NEK4: variants seen among roughly 807,000 people sequenced by gnomAD.
NEK4 encodes the protein serine/threonine-protein kinase Nek4.
A neutral mutation model predicts 98.4 loss-of-function variants in NEK4; 86 were observed. The observed-to-expected ratio is 0.87, with a 90% confidence interval of 0.73 to 1.05. The LOEUF (loss-of-function observed/expected upper bound fraction) is 1.05. Among genes scored for constraint, NEK4 ranks in the 50% least tolerant of loss-of-function variants. The probability of loss-of-function intolerance (pLI) is 0.00; values close to 1 mark genes in which losing one functional copy is unlikely to be tolerated. For missense variants in NEK4, 898 were observed against 950.3 expected, an observed-to-expected ratio of 0.94 and a Z score of 0.72; for synonymous variants, 328 against 342.2, an observed-to-expected ratio of 0.96 and a Z score of 0.46.
Position 52,751,272 on chromosome 3 carries a change from G to A in NEK4, c.1368+660C>T, listed in dbSNP as rs542193082. Among the ~76,000 whole-genome samples the A allele has an allele frequency of 3.5e-4, 54 of 152,178 alleles. 1 individual carries two copies. Among genetic ancestry groups the A allele is most frequent in the East Asian group, 1.5e-3 (8 of 5,172 alleles). ...AGATCGAGACCATCCTGACTAACAC[G>A]GTGAAACCTCGTCTCTACTAAAAAT... On this transcript the variant is annotated intron_variant, in intron 7 of 15. Transcript: ENST00000233027.
At chr3:52,755,073 C>CA (rs201856002) in intron 6 of NEK4, among the ~76,000 whole-genome samples, 2,338 of 46,208 alleles carry the variant, frequency 0.051, 68 homozygotes, top group African/African-American at 0.14. Flanking sequence ...GACTCCGTCT[C>CA]AAAAAAAAAA....
At chr3:52,769,664 C>T (rs1698706471) in intron 1 of NEK4, among the ~76,000 whole-genome samples, 1 of 152,190 alleles carries the variant, frequency 6.6e-6, no homozygotes, top group Admixed American at 6.5e-5. Context: ...GAAGAACAGG[C>T]AATTGGGCCC....
intron 15 of NEK4, among the ~76,000 whole-genome samples, chr3:52,728,834 G>A (rs960353124): frequency 5.9e-5 from 9 of 152,194 alleles, no homozygotes; most frequent in African/African-American, 1.4e-4. Context: ...GTCTATAAAC[G>A]GCTGCTCTGG....
intron 7 of NEK4, among the ~76,000 whole-genome samples, chr3:52,750,882 G>T (rs996293891): frequency 2.6e-5 from 4 of 152,164 alleles, no homozygotes; most frequent in African/African-American, 9.7e-5. Flanking sequence ...AGTGAGCTGT[G>T]TTTGCACCAC....
At position 52,760,800 on chromosome 3, in the gene NEK4, T is replaced by C. The variant is rs769511464; in HGVS notation, c.958A>G (p.Ile320Val). 9.4e-6 allele frequency: 15 copies of C among 1,602,808 alleles called. 1 individual carries two copies. The South Asian group carries it at 1.0e-4, about 11-fold the overall frequency. ...CCCTTTAAAAAGAAACGTACCATTA[T>C]ATATGTCTGGGAGCCCTCAGAAGAG... is the stretch of plus-strand genomic sequence containing the variant. ...PLSSEGSQTY[I>V]MGEGKCLSQE... is the part of the protein sequence containing the mutation. The change falls in exon 6 of 16, where the codon ATA (isoleucine) becomes GTA (valine). Residue 320 changes from isoleucine (I) to valine (V), a missense_variant. By Grantham distance (29) the Ile-to-Val change is conservative. Coordinates refer to ENST00000233027, the MANE Select transcript of NEK4 (RefSeq NM_003157.6).
chr3:52,760,524 T>C (rs1698316433), intron 6 of NEK4, among the ~76,000 whole-genome samples: 1 of 152,226 alleles, frequency 6.6e-6, no homozygotes, highest in African/African-American at 2.4e-5. Context: ...GCCTTAACTG[T>C]TTACTTTAAA....
intron 15 of NEK4, among the ~76,000 whole-genome samples, chr3:52,716,834 C>T (rs762411608): frequency 6.6e-6 from 1 of 152,190 alleles, no homozygotes; most frequent in Non-Finnish European, 1.5e-5. Context: ...CAGTGGTATG[C>T]GAATCATGAC....
At chr3:52,770,578 G>T in intron 1 of NEK4, 76 bp downstream of exon 1, 1 of 1,128,082 alleles carries the variant, frequency 8.9e-7, no homozygotes, top group Non-Finnish European at 1.3e-6. Context: ...GACCACCCCC[G>T]ACCTAATCTA....
At chr3:52,740,121 C>T (rs1292793811) in intron 13 of NEK4, among the ~76,000 whole-genome samples, 2 of 152,138 alleles carry the variant, frequency 1.3e-5, no homozygotes, top group African/African-American at 2.4e-5. Flanking sequence ...ATACCAGCTT[C>T]CAATGAGGTA....
At chr3:52,717,519 G>A (rs192977900) in intron 15 of NEK4, among the ~76,000 whole-genome samples, 1 of 151,966 alleles carries the variant, frequency 6.6e-6, no homozygotes, top group East Asian at 1.9e-4. Context: ...CCAAGAAGAT[G>A]AGAGGCTACT....
At chr3:52,757,633 T>A (rs1470940902) in intron 6 of NEK4, among the ~76,000 whole-genome samples, 1 of 151,760 alleles carries the variant, frequency 6.6e-6, no homozygotes, top group African/African-American at 2.4e-5. Context: ...GCAGCGTTAT[T>A]CACACTAGCA....
intron 4 of NEK4, among the ~76,000 whole-genome samples, chr3:52,764,744 G>A (rs1698485977): frequency 6.7e-6 from 1 of 150,082 alleles, no homozygotes; most frequent in Non-Finnish European, 1.5e-5. Flanking sequence ...AAGAATCTGT[G>A]GGTGTGCGCG....
At chr3:52,750,460 A>G (rs2097403168) in intron 7 of NEK4, among the ~76,000 whole-genome samples, 1 of 152,094 alleles carries the variant, frequency 6.6e-6, no homozygotes, top group Non-Finnish European at 1.5e-5. Flanking sequence ...AGGCACGAGA[A>G]TCATTGAACC....
rs1357794192 is a variant in NEK4, at chr3:52,744,204, C to T, written c.1894+35G>A. 4.6e-6 allele frequency: 7 copies of T among 1,525,752 alleles called. No individual in the cohort carries two copies. The Admixed American group carries it at 5.0e-5, about 11-fold the overall frequency. 94.5% of individuals were successfully genotyped at this position (1,525,752 alleles called of 1,614,324 possible). On this transcript the variant is annotated intron_variant, in intron 11 of 15. Transcript: ENST00000233027. ...TTCTGTCCACGAACCATACCCCTAA[C>T]TGCCAATTAGATGAAGAAAAGAAGT...
At chr3:52,713,101 A>G (rs1165421482) in intron 15 of NEK4, among the ~76,000 whole-genome samples, 1 of 152,116 alleles carries the variant, frequency 6.6e-6, no homozygotes, top group Non-Finnish European at 1.5e-5. Flanking sequence ...GCATACATAA[A>G]ATTCAACCTG....
At chr3:52,755,867 A>C (rs2097414314) in intron 6 of NEK4, among the ~76,000 whole-genome samples, 1 of 152,222 alleles carries the variant, frequency 6.6e-6, no homozygotes, top group African/African-American at 2.4e-5. Context: ...GTCAACATAC[A>C]AAAATCAGTT....
intron 15 of NEK4, among the ~76,000 whole-genome samples, chr3:52,722,748 C>CA (rs1016227992): frequency 1.3e-5 from 2 of 151,300 alleles, no homozygotes; most frequent in East Asian, 1.9e-4. Context: ...ACAAAATGTA[C>CA]AAAAAAAATA....
chr3:52,770,669 C>A lies in NEK4; in HGVS notation c.78G>T (p.Arg26=), dbSNP rs1698747494. Residue 26 remains arginine, a synonymous_variant, in exon 1 of 16, where the codon CGG becomes CGT. Transcript: ENST00000233027. ...CCCTGCAGACCTGCTTGCCGTCCCG[C>A]CGGTGCTTCACAAGCGTCACCTCTC... ...SYGEVTLVKH[R]RDGKQYVIKK... 1 of 1,563,474 alleles carries A rather than the reference C, an allele frequency of 6.4e-7. No homozygotes were observed. Among genetic ancestry groups the A allele is most frequent in the South Asian group, 1.2e-5 (1 of 84,958 alleles).
chr3:52,730,178 A>T (rs1201069258), intron 15 of NEK4, among the ~76,000 whole-genome samples: 2 of 152,344 alleles, frequency 1.3e-5, no homozygotes, highest in African/African-American at 2.4e-5. Flanking sequence ...AAGTTGCATA[A>T]ACCTAGATGA....
Sources: gnomAD v4.1 joint callset for allele counts (sites outside exome capture counted in the v4.1 genomes callset) on GRCh38, gnomAD v4.1.1 for gene constraint, MANE v1.5 for transcripts, NCBI Gene and HGNC (gene_info 2026-07-23, HGNC 2026-07-21) for gene names.